PDE7B: variants seen among roughly 807,000 people sequenced by gnomAD.
PDE7B encodes phosphodiesterase 7B.
Under a neutral mutation model 56.2 loss-of-function variants are expected in PDE7B, and 29 were observed. The observed-to-expected ratio is 0.52, with a 90% confidence interval of 0.38 to 0.70. The LOEUF is 0.70. PDE7B is among the 30% of genes least tolerant of loss of function. PDE7B has a pLI of 0.00. For missense variants in PDE7B, 490 were observed against 565.0 expected, an observed-to-expected ratio of 0.87 and a Z score of 1.35; for synonymous variants, 197 against 196.9, an observed-to-expected ratio of 1.00 and a Z score of 0.00.
intron 11 of PDE7B, among the ~76,000 whole-genome samples, chr6:136,185,894 A>C (rs911525870): frequency 1.1e-4 from 17 of 152,108 alleles, no homozygotes; most frequent in African/African-American, 4.1e-4. Flanking sequence ...TCATAACTGA[A>C]CCTTCCACTC....
chr6:135,964,087 G>T (rs1310320177), intron 2 of PDE7B, among the ~76,000 whole-genome samples: 6 of 151,758 alleles, frequency 4.0e-5, no homozygotes, highest in African/African-American at 1.2e-4. Flanking sequence ...AACATAAAAA[G>T]CTTTTTCTGG....
chr6:136,042,454 T>C (rs1776428942), intron 2 of PDE7B, among the ~76,000 whole-genome samples: 1 of 152,228 alleles, frequency 6.6e-6, no homozygotes, highest in Admixed American at 6.5e-5. Context: ...TTTCGGTGTC[T>C]CTGGTCTAAA....
At chr6:136,127,211 C>T (rs779573790) in intron 3 of PDE7B, among the ~76,000 whole-genome samples, 13 of 152,190 alleles carry the variant, frequency 8.5e-5, no homozygotes, top group South Asian at 4.2e-4. Flanking sequence ...ATATACTTTG[C>T]GACATCCCAC....
At chr6:135,946,410 A>T (rs1287364129) in intron 1 of PDE7B, among the ~76,000 whole-genome samples, 2 of 152,032 alleles carry the variant, frequency 1.3e-5, no homozygotes, top group African/African-American at 4.8e-5. Context: ...AAATTTCTCT[A>T]CTTATAAATC....
At chr6:136,096,842 T>C (rs1399813666) in intron 2 of PDE7B, among the ~76,000 whole-genome samples, 5 of 152,168 alleles carry the variant, frequency 3.3e-5, no homozygotes, top group Non-Finnish European at 7.3e-5. Context: ...TTCCATGTGA[T>C]GCCCAAAGGA....
chr6:135,914,006 A>G (rs995600612), intron 1 of PDE7B, among the ~76,000 whole-genome samples: 1 of 152,194 alleles, frequency 6.6e-6, no homozygotes, highest in Non-Finnish European at 1.5e-5. Flanking sequence ...TATAGCGTTG[A>G]GTGAGTGTGA....
intron 3 of PDE7B, among the ~76,000 whole-genome samples, chr6:136,131,475 T>A (rs1296178267): frequency 6.8e-6 from 1 of 146,570 alleles, no homozygotes; most frequent in Admixed American, 6.8e-5. Flanking sequence ...CCTGTATGCA[T>A]CCCTGTGCAT....
chr6:135,906,880 T>A (rs1241364223), intron 1 of PDE7B, among the ~76,000 whole-genome samples: 1 of 148,042 alleles, frequency 6.8e-6, no homozygotes. Context: ...GAAAGGTGGT[T>A]AATGAGAAAT....
intron 8 of PDE7B, among the ~76,000 whole-genome samples, chr6:136,171,841 T>C: frequency 7.2e-6 from 1 of 138,490 alleles, no homozygotes; most frequent in Non-Finnish European, 1.5e-5. Context: ...CCTGTGTCCA[T>C]GTGTTCTCAT....
intron 2 of PDE7B, among the ~76,000 whole-genome samples, chr6:136,045,846 A>G (rs954699343): frequency 1.3e-5 from 2 of 151,414 alleles, no homozygotes; most frequent in Admixed American, 6.7e-5. Flanking sequence ...CCGTAAAGGT[A>G]TCGAAAAGGA....
At chr6:136,049,806 G>A (rs771656295) in intron 2 of PDE7B, among the ~76,000 whole-genome samples, 2 of 152,208 alleles carry the variant, frequency 1.3e-5, no homozygotes, top group Non-Finnish European at 2.9e-5. Flanking sequence ...ACATTAGTGG[G>A]ACGAGACTGC....
In PDE7B at chr6:136,192,105, C is replaced by T. The variant is rs919063332; in HGVS notation, c.*265C>T. ...ATCCCACGGGCAGGCTCTCCCTGCT[C>T]CAGGAGAAGACTAGGAGGAAGAATG... On this transcript the variant is annotated 3_prime_UTR_variant, in exon 13 of 13. Coordinates refer to ENST00000308191, the MANE Select transcript of PDE7B (RefSeq NM_018945.4). 1 of 492,360 alleles carries T rather than the reference C, an allele frequency of 2.0e-6. No homozygotes were observed. Among genetic ancestry groups the T allele is most frequent in the African/African-American group, 1.9e-5 (1 of 51,594 alleles). 30.5% of individuals were successfully genotyped at this position (492,360 alleles called of 1,614,324 possible). A position where few individuals can be genotyped will look rare whatever the true frequency, so the allele number is the denominator to read the frequency against.
Position 136,181,191 on chromosome 6 carries a change from C to T in PDE7B, c.949-36C>T, listed in dbSNP as rs373650363. Reference sequence around the variant, plus strand: ...GGTGCTTTTGCAACTGAAAGAACATCCTCTCACAATTTCTCCCCGCCCTGT... The same window carrying T: ...GGTGCTTTTGCAACTGAAAGAACATTCTCTCACAATTTCTCCCCGCCCTGT... On this transcript the variant is annotated intron_variant, in intron 10 of 12. Transcript: ENST00000308191. The T allele has an allele frequency of 1.5e-4, 220 of 1,479,324 alleles. No homozygotes were observed. The African/African-American group carries it at 2.6e-3, about 18-fold the overall frequency. 91.6% of individuals were successfully genotyped at this position (1,479,324 alleles called of 1,614,324 possible).
chr6:136,181,566 G>A (rs1779067902), intron 11 of PDE7B, among the ~76,000 whole-genome samples: 1 of 152,200 alleles, frequency 6.6e-6, no homozygotes, highest in Non-Finnish European at 1.5e-5. Context: ...AAATAAAAAT[G>A]AGCAAAAGTG....
Position 136,102,967 on chromosome 6 carries a change from C to T in PDE7B, c.83-5764C>T, listed in dbSNP as rs75448971. 9.5e-3 allele frequency among the ~76,000 whole-genome samples: 1,439 copies of T among 152,212 alleles called. 30 individuals are homozygous for T. The highest frequency in any genetic ancestry group is 0.031 in the African/African-American group (1,307 of 41,538). ...TTCCCTTTTCTCTGATTTTTATATG[C>T]AAATCAAGATTTTTAAGAAGAGAAG... On this transcript the variant is annotated intron_variant, in intron 2 of 12. Transcript: ENST00000308191.
chr6:136,042,200 C>T (rs950002442), intron 2 of PDE7B, among the ~76,000 whole-genome samples: 2 of 152,172 alleles, frequency 1.3e-5, no homozygotes, highest in African/African-American at 4.8e-5. Context: ...AGAAAGTCAG[C>T]TTACACCATT....
chr6:135,908,490 C>T (rs1247790608), intron 1 of PDE7B, among the ~76,000 whole-genome samples: 1 of 151,538 alleles, frequency 6.6e-6, no homozygotes. Context: ...TAGATATTTA[C>T]CTAAAGAAAC....
chr6:136,126,770 A>T (rs918180076), intron 3 of PDE7B, among the ~76,000 whole-genome samples: 1 of 149,836 alleles, frequency 6.7e-6, no homozygotes, highest in Admixed American at 6.6e-5. Context: ...CAAAGGCGTA[A>T]GAATGCCACA....
chr6:135,929,151 C>A (rs966784376), intron 1 of PDE7B, among the ~76,000 whole-genome samples: 1 of 152,148 alleles, frequency 6.6e-6, no homozygotes, highest in African/African-American at 2.4e-5. Context: ...TCCAGTATAT[C>A]AAGTCATTGT....
Sources: allele counts gnomAD v4.1 joint callset (sites outside exome capture counted in the v4.1 genomes callset), GRCh38; gene constraint gnomAD v4.1.1; transcripts MANE v1.5; gene names NCBI Gene and HGNC (gene_info 2026-07-23, HGNC 2026-07-21).